BMERB1: variants seen among roughly 807,000 people sequenced by gnomAD.
The protein encoded by BMERB1 is bMERB domain-containing protein 1.
A neutral mutation model predicts 23.6 loss-of-function variants in BMERB1; 12 were observed. The observed-to-expected ratio is 0.51, with a 90% CI of 0.33 to 0.82. The LOEUF is 0.82. Ranked by LOEUF, BMERB1 falls within the 40% of genes least tolerant of loss-of-function variation. The pLI, the probability that BMERB1 is intolerant of heterozygous loss-of-function variation, is 0.03. For synonymous variants in BMERB1, 122 were observed against 96.6 expected (o/e 1.26, Z -1.54); for missense variants, 247 against 255.4 (o/e 0.97, Z 0.22).
chr16:15,461,652 G>A (rs1318339925), intron 1 of BMERB1, among the ~76,000 whole-genome samples: 1 of 152,120 alleles, frequency 6.6e-6, no homozygotes, highest in Non-Finnish European at 1.5e-5. Flanking sequence ...GCCGGATGTG[G>A]TAGCTCATGC....
At chr16:15,515,537 T>G (rs765943399) in intron 2 of BMERB1, 109 bp downstream of exon 2, 83 of 1,401,966 alleles carry the variant, frequency 5.9e-5, no homozygotes, top group Non-Finnish European at 7.8e-5. Context: ...AAAGGCATTA[T>G]GCACGTTTTT....
chr16:15,468,160 T>TC, intron 1 of BMERB1, among the ~76,000 whole-genome samples: 1 of 127,770 alleles, frequency 7.8e-6, no homozygotes, highest in Non-Finnish European at 1.7e-5. Flanking sequence ...TTTTTTTTTT[T>TC]TTTGAGGCAG....
At chr16:15,506,285 C>T (rs1342037232) in intron 1 of BMERB1, among the ~76,000 whole-genome samples, 1 of 152,022 alleles carries the variant, frequency 6.6e-6, no homozygotes, top group Non-Finnish European at 1.5e-5. Context: ...ACACCATTCT[C>T]CTGCCTCAGC....
intron 1 of BMERB1, among the ~76,000 whole-genome samples, chr16:15,465,861 T>G (rs1342821496): frequency 6.6e-6 from 1 of 152,234 alleles, no homozygotes; most frequent in Non-Finnish European, 1.5e-5. Context: ...CTTTGGTAGC[T>G]TATTTTGCCA....
chr16:15,444,994 A>T (rs1187865599), intron 1 of BMERB1, among the ~76,000 whole-genome samples: 1 of 152,048 alleles, frequency 6.6e-6, no homozygotes, highest in East Asian at 1.9e-4. Context: ...CCTCCTGCCT[A>T]GGCCTCCCGC....
At chr16:15,503,045 G>A (rs1567471600) in intron 1 of BMERB1, among the ~76,000 whole-genome samples, 1 of 152,184 alleles carries the variant, frequency 6.6e-6, no homozygotes, top group Non-Finnish European at 1.5e-5. Flanking sequence ...CTCTGTATCT[G>A]TGGGTTCCGC....
intron 1 of BMERB1, among the ~76,000 whole-genome samples, chr16:15,452,319 AGAGG>A (rs1357354060): frequency 9.8e-5 from 3 of 30,632 alleles, no homozygotes; most frequent in East Asian, 2.4e-3. Flanking sequence ...GAAGGGAGAG[AGAGG>A]GAGGGAGGGA....
At chr16:15,554,361 C>G (rs551443186) in intron 2 of BMERB1, among the ~76,000 whole-genome samples, 3 of 152,286 alleles carry the variant, frequency 2.0e-5, no homozygotes, top group African/African-American at 7.2e-5. Flanking sequence ...TGCAAGAGTT[C>G]ACTGAGATGA....
intron 1 of BMERB1, among the ~76,000 whole-genome samples, chr16:15,486,351 T>C (rs1055425147): frequency 1.3e-5 from 2 of 152,176 alleles, no homozygotes; most frequent in African/African-American, 4.8e-5. Flanking sequence ...CACAGGGCCA[T>C]GGTTCCACTG....
intron 2 of BMERB1, among the ~76,000 whole-genome samples, chr16:15,556,110 T>C (rs1338806212): frequency 6.7e-6 from 1 of 148,884 alleles, no homozygotes; most frequent in Non-Finnish European, 1.5e-5. Flanking sequence ...ACCTGGGAGG[T>C]GAGGTTGCAG....
At chr16:15,537,695 G>A (rs1418258792) in intron 2 of BMERB1, among the ~76,000 whole-genome samples, 1 of 151,962 alleles carries the variant, frequency 6.6e-6, no homozygotes, top group Non-Finnish European at 1.5e-5. Flanking sequence ...CTTTCACTCT[G>A]TTGCCCAGGC....
At chr16:15,505,796 GAGA>G (rs1156963978) in intron 1 of BMERB1, among the ~76,000 whole-genome samples, 2 of 151,498 alleles carry the variant, frequency 1.3e-5, no homozygotes, top group Non-Finnish European at 2.9e-5. Context: ...GCTGAGGCAG[GAGA>G]ATGGCGTGAA....
At chr16:15,457,477 A>G (rs953514918) in intron 1 of BMERB1, among the ~76,000 whole-genome samples, 1 of 152,198 alleles carries the variant, frequency 6.6e-6, no homozygotes. Flanking sequence ...TACAATGCGA[A>G]TATGACCTCT....
At chr16:15,444,263 T>G (rs2050971377) in intron 1 of BMERB1, among the ~76,000 whole-genome samples, 2 of 151,226 alleles carry the variant, frequency 1.3e-5, no homozygotes, top group Admixed American at 1.3e-4. Context: ...CTTTTAGTAC[T>G]TCACTCACAA....
intron 1 of BMERB1, among the ~76,000 whole-genome samples, chr16:15,482,981 A>G (rs2150935982): frequency 6.6e-6 from 1 of 152,280 alleles, no homozygotes; most frequent in African/African-American, 2.4e-5. Context: ...ATAGAAAAAA[A>G]TCACCCACAA....
At chr16:15,574,304 C>T (rs188538671) in intron 3 of BMERB1, among the ~76,000 whole-genome samples, 15 of 152,212 alleles carry the variant, frequency 9.9e-5, no homozygotes, top group African/African-American at 3.4e-4. Flanking sequence ...TCCTTTGACA[C>T]GTGGGGATGA....
At chr16:15,504,864 C>T (rs2051569875) in intron 1 of BMERB1, among the ~76,000 whole-genome samples, 1 of 152,136 alleles carries the variant, frequency 6.6e-6, no homozygotes, top group Non-Finnish European at 1.5e-5. Context: ...CTGACTCCCC[C>T]TACCTGAGTC....
At chr16:15,540,576 G>GT (rs1424042271) in intron 2 of BMERB1, among the ~76,000 whole-genome samples, 2 of 152,148 alleles carry the variant, frequency 1.3e-5, no homozygotes, top group African/African-American at 4.8e-5. Flanking sequence ...TGTTGCCATG[G>GT]TAACGTGCAA....
chr16:15,534,846 A>G (rs2052010675), intron 2 of BMERB1, among the ~76,000 whole-genome samples: 1 of 152,124 alleles, frequency 6.6e-6, no homozygotes, highest in Non-Finnish European at 1.5e-5. Flanking sequence ...CCACGGCACC[A>G]ATTTATGCTG....
Sources: gnomAD v4.1 joint callset for allele counts (sites outside exome capture counted in the v4.1 genomes callset) on GRCh38, gnomAD v4.1.1 for gene constraint, MANE v1.5 for transcripts, NCBI Gene and HGNC (gene_info 2026-07-23, HGNC 2026-07-21) for gene names.